Variants in LDHC observed in about 807,000 individuals in gnomAD.
LDHC encodes the protein lactate dehydrogenase C, also known as L-lactate dehydrogenase C chain.
LDHC carries 20 observed loss-of-function variants against 30.2 expected under a neutral mutation model. That is an observed-to-expected ratio of 0.66 (90% CI 0.47 to 0.96). The LOEUF is 0.96. Ranked by LOEUF, LDHC falls within the 40% of genes least tolerant of loss-of-function variation. The probability of loss-of-function intolerance (pLI) is 0.00; values close to 1 mark genes in which losing one functional copy is unlikely to be tolerated. For missense variants in LDHC, 362 were observed against 394.9 expected (o/e 0.92, Z 0.71); for synonymous variants, 139 against 132.7 (o/e 1.05, Z -0.32).
In LDHC at chr11:18,451,345, A is replaced by AC. The variant is rs1278794848; in HGVS notation, c.*219dup. On this transcript the variant is annotated 3_prime_UTR_variant, in exon 8 of 8. Coordinates refer to ENST00000541669, the MANE Select transcript of LDHC (RefSeq NM_017448.5). The stretch of plus-strand genomic sequence containing the variant: ...TCTATTCTAATGATACCCAATCTGT[A>AC]CAGGTGTAAGTTATACTTCTGAGGT... 1.2e-5 allele frequency: 4 copies of AC among 347,012 alleles called. No individual in the cohort carries two copies. Among genetic ancestry groups the AC allele is most frequent in the African/African-American group, 8.6e-5 (4 of 46,346 alleles). The allele number at this position is 347,012 out of a possible 1,614,324, so 21.5% of individuals were successfully genotyped here.
chr11:18,412,612 TC>T (rs143848190), intron 1 of LDHC, 96 bp from the exon 2 acceptor site: 11 of 1,106,226 alleles, frequency 9.9e-6, no homozygotes, highest in East Asian at 7.5e-5. Flanking sequence ...TTCTTTGGCT[TC>T]CCCCCATCCC....
rs1240399991 is a variant in LDHC, at chr11:18,451,828, C to T, written c.*701C>T. 1 of 151,996 alleles carries T rather than the reference C, an allele frequency of 6.6e-6. No individual in the cohort carries two copies. The highest frequency in any genetic ancestry group is 1.5e-5 in the Non-Finnish European group (1 of 68,028). The allele number at this position is 151,996 out of a possible 1,614,324, so 9.4% of individuals were successfully genotyped here. A position where few individuals can be genotyped will look rare whatever the true frequency, so the allele number is the denominator to read the frequency against. ...GATGTGGTGGCCTGCATCTGTAGTC[C>T]AGCTACTTGGGAGACTGAGACCAGT... On this transcript the variant is annotated 3_prime_UTR_variant, in exon 8 of 8. Coordinates refer to ENST00000541669, the MANE Select transcript of LDHC (RefSeq NM_017448.5).
At chr11:18,429,678 T>C in intron 3 of LDHC, 59 bp from the exon 4 acceptor site, 1 of 994,712 alleles carries the variant, frequency 1.0e-6, no homozygotes, top group South Asian at 1.6e-5. Flanking sequence ...TTTTAAGGAG[T>C]TAAGGCACAG....
Position 18,422,760 on chromosome 11 carries a change from A to T in LDHC, c.245-6977A>T, listed in dbSNP as rs59702090. 4.9e-3 allele frequency among the ~76,000 whole-genome samples: 750 copies of T among 151,950 alleles called. 16 individuals are homozygous for T. Among genetic ancestry groups the T allele is most frequent in the African/African-American group, 0.018 (725 of 41,314 alleles). On this transcript the variant is annotated intron_variant, in intron 3 of 7. Transcript: ENST00000541669. ...CACTTTGGGAAGCCGAGGCGGGAGT[A>T]TCGCTTGAGTGGAGGAGTTTAAGAC...
intron 5 of LDHC, among the ~76,000 whole-genome samples, chr11:18,437,616 G>T (rs1205368191): frequency 6.6e-6 from 1 of 152,108 alleles, no homozygotes; most frequent in African/African-American, 2.4e-5. Context: ...GCCAGGCGTG[G>T]TGGTGGGCAC....
At chr11:18,435,189 T>A (rs1368690211) in intron 5 of LDHC, among the ~76,000 whole-genome samples, 1 of 152,154 alleles carries the variant, frequency 6.6e-6, no homozygotes, top group Non-Finnish European at 1.5e-5. Flanking sequence ...TGTGATTTTT[T>A]AAAACAGCTT....
intron 7 of LDHC, 108 bp from the exon 8 acceptor site, chr11:18,450,855 T>G: frequency 1.3e-6 from 1 of 772,082 alleles, no homozygotes; most frequent in Non-Finnish European, 2.1e-6. Flanking sequence ...TCTGAGCGAT[T>G]CTTGTTGAAT....
intron 4 of LDHC, among the ~76,000 whole-genome samples, chr11:18,431,312 T>C (rs958305345): frequency 1.3e-5 from 2 of 151,564 alleles, no homozygotes; most frequent in African/African-American, 4.8e-5. Flanking sequence ...AATACAAAAT[T>C]AGCCGGGTGT....
At chr11:18,422,837 G>C (rs980318375) in intron 3 of LDHC, among the ~76,000 whole-genome samples, 2 of 151,464 alleles carry the variant, frequency 1.3e-5, no homozygotes, top group Non-Finnish European at 2.9e-5. Flanking sequence ...ACAAAAATTA[G>C]CTGGGCGTGT....
rs1292508124 is a variant in LDHC, at chr11:18,438,542, G to A, written c.607G>A (p.Gly203Arg). The change falls in exon 6 of 8, where the codon GGG becomes AGG. Residue 203 changes from glycine (G) to arginine (R), a missense_variant. Coordinates refer to ENST00000541669, the MANE Select transcript of LDHC (RefSeq NM_017448.5). ...GTATTTTTTAGTGCCCTTATGGAGT[G>A]GGGTGAATGTTGCTGGTGTTGCTCT... ...HGDSSVPLWS[G>R]VNVAGVALKT... 2 of 1,607,322 alleles carry A rather than the reference G, an allele frequency of 1.2e-6. No individual in the cohort carries two copies. Among genetic ancestry groups the A allele is most frequent in the Admixed American group, 1.7e-5 (1 of 59,998 alleles).
At chr11:18,432,586 T>TG (rs1338373438) in intron 4 of LDHC, among the ~76,000 whole-genome samples, 2 of 152,234 alleles carry the variant, frequency 1.3e-5, no homozygotes, top group East Asian at 3.8e-4. Flanking sequence ...ATTATTGTGT[T>TG]GCTGTCTGTC....
At chr11:18,431,699 C>T (rs181368942) in intron 4 of LDHC, among the ~76,000 whole-genome samples, 43 of 152,116 alleles carry the variant, frequency 2.8e-4, no homozygotes, top group Non-Finnish European at 5.4e-4. Context: ...TGCACACCAC[C>T]ACGCCTGGCT....
intron 7 of LDHC, among the ~76,000 whole-genome samples, chr11:18,447,788 G>A (rs866257739): frequency 1.3e-5 from 2 of 152,090 alleles, no homozygotes; most frequent in African/African-American, 2.4e-5. Context: ...AGTGGCTCAC[G>A]CCTGTAATCC....
At chr11:18,435,021 T>G in intron 5 of LDHC, 108 bp downstream of exon 5, 1 of 664,118 alleles carries the variant, frequency 1.5e-6, no homozygotes. Flanking sequence ...TAAGTTTAAT[T>G]TTTTTGGTAT....
chr11:18,425,233 G>A (rs2134054063), intron 3 of LDHC, among the ~76,000 whole-genome samples: 1 of 152,034 alleles, frequency 6.6e-6, no homozygotes, highest in African/African-American at 2.4e-5. Flanking sequence ...CTAGAGTTCA[G>A]GGGTGTGATC....
At chr11:18,433,398 T>TAAA (rs202023810) in intron 4 of LDHC, among the ~76,000 whole-genome samples, 9 of 132,822 alleles carry the variant, frequency 6.8e-5, no homozygotes, top group African/African-American at 2.5e-4. Context: ...AAAAAGGAAA[T>TAAA]AAAAAAAAAA....
At chr11:18,441,875 C>T (rs971067624) in intron 6 of LDHC, among the ~76,000 whole-genome samples, 1 of 152,068 alleles carries the variant, frequency 6.6e-6, no homozygotes, top group Non-Finnish European at 1.5e-5. Flanking sequence ...CACTGCACTC[C>T]AGCATGGGCG....
chr11:18,414,270 C>T (rs117263641), intron 2 of LDHC, among the ~76,000 whole-genome samples: 1,703 of 152,202 alleles, frequency 0.011, 26 homozygotes, highest in Non-Finnish European at 0.016. Context: ...TTTCTGTGAC[C>T]AGAAGGAAAG....
intron 7 of LDHC, among the ~76,000 whole-genome samples, chr11:18,446,974 G>A (rs976386415): frequency 6.6e-6 from 1 of 152,150 alleles, no homozygotes; most frequent in Non-Finnish European, 1.5e-5. Flanking sequence ...CCAAGGGAGA[G>A]GATGAAGACA....
Sources: gnomAD v4.1 joint callset for allele counts (sites outside exome capture counted in the v4.1 genomes callset) on GRCh38, gnomAD v4.1.1 for gene constraint, MANE v1.5 for transcripts, NCBI Gene and HGNC (gene_info 2026-07-23, HGNC 2026-07-21) for gene names.